LETMD1: variants seen among roughly 807,000 people sequenced by gnomAD.
The protein encoded by LETMD1 is LETM1 domain-containing protein 1.
LETMD1 carries 30 observed loss-of-function variants against 43.9 expected under a neutral mutation model. That is an observed-to-expected ratio of 0.68 (90% CI 0.51 to 0.93). The LOEUF (loss-of-function observed/expected upper bound fraction) is 0.93, where lower values mean the gene tolerates loss of function less well. LETMD1 is among the 40% of genes least tolerant of loss of function. The pLI, the probability that LETMD1 is intolerant of heterozygous loss-of-function variation, is 0.00. For synonymous variants in LETMD1, 176 were observed against 163.1 expected (o/e 1.08, Z -0.60); for missense variants, 413 against 447.7 (o/e 0.92, Z 0.70).
downstream of LETMD1, chr12:51,063,065 TTAACTC>T (rs1252406159): frequency 6.6e-6 from 1 of 152,094 alleles, no homozygotes; most frequent in Admixed American, 6.6e-5. Flanking sequence ...ATAGACAAGT[TTAACTC>T]TAGTACTTAA....
chr12:51,053,603 A>C (rs1330336461), intron 3 of LETMD1, among the ~76,000 whole-genome samples, 175 bp from the exon 4 acceptor site: 1 of 152,222 alleles, frequency 6.6e-6, no homozygotes, highest in African/African-American at 2.4e-5. Flanking sequence ...GGATTGCACC[A>C]CTGCACTCCA....
chr12:51,055,493 G>A (rs774496645), intron 4 of LETMD1, among the ~76,000 whole-genome samples: 11 of 151,568 alleles, frequency 7.3e-5, no homozygotes, highest in Non-Finnish European at 1.6e-4. Flanking sequence ...AGCAAGACCC[G>A]TCTCTGCAAA....
At chr12:51,068,174 T>G in the LETMD1 span, among the ~76,000 whole-genome samples, 1 of 152,254 alleles carries the variant, frequency 6.6e-6, no homozygotes, top group East Asian at 1.9e-4. Flanking sequence ...TTTATTTTTT[T>G]GAGACAAAAG....
At chr12:51,065,613 G>A in the LETMD1 span, among the ~76,000 whole-genome samples, 9 of 151,730 alleles carry the variant, frequency 5.9e-5, no homozygotes, top group South Asian at 1.0e-3. Context: ...GTGAGCCACC[G>A]CGCCCGGCCC....
chr12:51,064,283 C>T, downstream of LETMD1: 1 of 1,613,008 alleles, frequency 6.2e-7, no homozygotes, highest in South Asian at 1.1e-5. Context: ...CGGGGACAGC[C>T]AGAGGCTCCT....
rs1945274698 is a variant in LETMD1, at chr12:51,049,300, T to C, written c.274+115T>C. 71 of 870,426 alleles carry C rather than the reference T, an allele frequency of 8.2e-5. 1 individual carries two copies. In the South Asian group the frequency reaches 1.4e-3, roughly 17 times the overall value. The allele number at this position is 870,426 out of a possible 1,614,324, so 53.9% of individuals were successfully genotyped here. On this transcript the variant is annotated intron_variant, in intron 2 of 8. Transcript: ENST00000262055. Reference sequence around the variant, plus strand: ...TATGGGGATGTGAGCCGAGATATCTTATATTTCATAAATGCCTGCGCCTTA... The same window carrying C: ...TATGGGGATGTGAGCCGAGATATCTCATATTTCATAAATGCCTGCGCCTTA...
At chr12:51,056,072 G>T (rs532968942) in intron 5 of LETMD1, 51 bp downstream of exon 5, 1 of 1,606,566 alleles carries the variant, frequency 6.2e-7, no homozygotes, top group Non-Finnish European at 8.5e-7. Context: ...GTTAGATTCA[G>T]TGTGCACTAA....
At chr12:51,048,852 GC>G (rs1945116474) in intron 1 of LETMD1, 181 bp from the exon 2 acceptor site, 5 of 635,344 alleles carry the variant, frequency 7.9e-6, no homozygotes, top group Non-Finnish European at 1.1e-5. Context: ...CCTGGCCTTT[GC>G]CTGATTTGTG....
At chr12:51,054,197 G>A (rs553408967) in intron 4 of LETMD1, among the ~76,000 whole-genome samples, 2 of 152,086 alleles carry the variant, frequency 1.3e-5, no homozygotes, top group South Asian at 2.1e-4. Flanking sequence ...AGTACATTTC[G>A]TATTCTGATA....
chr12:51,048,396 T>G lies in LETMD1; in HGVS notation c.40T>G (p.Trp14Gly). 6.2e-7 allele frequency: 1 copy of G among 1,614,104 alleles called. No individual in the cohort carries two copies. The highest frequency in any genetic ancestry group is 8.5e-7 in the Non-Finnish European group (1 of 1,180,014). ...SRVCWARSAV[W>G]GSAVTPGHFV... is the part of the protein sequence containing the mutation. ...GGTGTGCTGGGCTCGGTCGGCTGTG[T>G]GGGGCTCGGCAGTCACCCCTGGACA... The change falls in exon 1 of 9, where the codon TGG becomes GGG. Residue 14 changes from tryptophan (W) to glycine (G), a missense_variant. Transcript: ENST00000262055.
rs1432303651 is a variant in LETMD1, at chr12:51,058,225, C to CAT, written c.1012+105_1012+106dup. On this transcript the variant is annotated intron_variant, in intron 8 of 8. Transcript: ENST00000262055. ...GAGTTAATTATTGAGTACTGTGAGA[C>CAT]ATATATATACATACATCTAATTGAA... The CAT allele has an allele frequency of 2.8e-4, 209 of 749,814 alleles. 1 individual carries two copies. In the East Asian group the frequency reaches 5.2e-3, roughly 19 times the overall value. 46.4% of individuals were successfully genotyped at this position (749,814 alleles called of 1,614,324 possible).
downstream of LETMD1, chr12:51,064,064 T>G (rs571986869): frequency 1.2e-6 from 2 of 1,614,238 alleles, no homozygotes; most frequent in African/African-American, 2.7e-5. Flanking sequence ...AGGCTGAGCC[T>G]TCTTCCGTAC....
At chr12:51,053,650 A>G in intron 3 of LETMD1, 128 bp from the exon 4 acceptor site, 1 of 672,530 alleles carries the variant, frequency 1.5e-6, no homozygotes. Context: ...CTCAAAAAGA[A>G]AAAGAAAGAA....
At chr12:51,068,815 A>G in the LETMD1 span, among the ~76,000 whole-genome samples, 1 of 152,220 alleles carries the variant, frequency 6.6e-6, no homozygotes, top group Admixed American at 6.5e-5. Context: ...GTGTAGTAAA[A>G]GGCTACCAGG....
intron 8 of LETMD1, 64 bp from the exon 9 acceptor site, chr12:51,059,297 C>CAT (rs1948591261): frequency 4.9e-6 from 7 of 1,438,786 alleles, no homozygotes; most frequent in Non-Finnish European, 6.9e-6. Context: ...AGGCTTAAGC[C>CAT]ATATATAACA....
downstream of LETMD1, among the ~76,000 whole-genome samples, chr12:51,060,766 G>A (rs145620951): frequency 2.2e-3 from 337 of 152,212 alleles, no homozygotes; most frequent in African/African-American, 7.6e-3. Context: ...GCCAGGCGTG[G>A]TGGTGGGCGC....
chr12:51,056,583 CCTTGT>C, intron 7 of LETMD1, 81 bp downstream of exon 7: 2 of 1,369,474 alleles, frequency 1.5e-6, no homozygotes, highest in Non-Finnish European at 2.1e-6. Flanking sequence ...TACAGGGGCT[CCTTGT>C]CTTGTTTGTT....
downstream of LETMD1, chr12:51,062,260 C>T (rs1322851566): frequency 6.6e-6 from 1 of 152,180 alleles, no homozygotes; most frequent in Non-Finnish European, 1.5e-5. Flanking sequence ...AGTGTCTCCC[C>T]CCCAACACAG....
intron 7 of LETMD1, 169 bp downstream of exon 7, chr12:51,056,671 T>C (rs541353631): frequency 7.8e-5 from 44 of 564,842 alleles, no homozygotes; most frequent in African/African-American, 7.6e-4. Flanking sequence ...TTTATTTATT[T>C]TGAGACAGAG....
Sources: gnomAD v4.1 joint callset for allele counts (sites outside exome capture counted in the v4.1 genomes callset) on GRCh38, gnomAD v4.1.1 for gene constraint, MANE v1.5 for transcripts, NCBI Gene and HGNC (gene_info 2026-07-23, HGNC 2026-07-21) for gene names.